The following NPAS3 variants were observed in gnomAD, a reference collection of about 807,000 sequenced individuals.
NPAS3 encodes the protein neuronal PAS domain protein 3, also known as neuronal PAS domain-containing protein 3.
Under a neutral mutation model 73.1 loss-of-function variants are expected in NPAS3, and 14 were observed. That is an observed-to-expected ratio of 0.19 (90% CI 0.13 to 0.30). The LOEUF is 0.30. NPAS3 is among the 10% of genes least tolerant of loss of function. The pLI, the probability that NPAS3 is intolerant of heterozygous loss-of-function variation, is 1.00. For missense variants in NPAS3, 1,096 were observed against 1,250.0 expected, an observed-to-expected ratio of 0.88 and a Z score of 1.86; for synonymous variants, 620 against 541.5, an observed-to-expected ratio of 1.14 and a Z score of -2.01.
intron 6 of NPAS3, among the ~76,000 whole-genome samples, chr14:33,686,455 GATC>G (rs1225503086): frequency 1.3e-5 from 2 of 152,070 alleles, no homozygotes; most frequent in African/African-American, 2.4e-5. Context: ...CTTCCTTGAG[GATC>G]ATATTTTATG....
At chr14:33,444,509 TA>T (rs1372614517) in intron 4 of NPAS3, among the ~76,000 whole-genome samples, 2 of 152,226 alleles carry the variant, frequency 1.3e-5, no homozygotes, top group African/African-American at 4.8e-5. Flanking sequence ...GGCCAGTAAC[TA>T]AGCAAATTTT....
intron 5 of NPAS3, among the ~76,000 whole-genome samples, chr14:33,569,708 T>C (rs2056122817): frequency 1.3e-5 from 2 of 152,220 alleles, no homozygotes. Flanking sequence ...CTGAGTTTTA[T>C]TCTATAGCCT....
At chr14:33,380,448 C>G (rs1306928686) in intron 4 of NPAS3, among the ~76,000 whole-genome samples, 1 of 152,084 alleles carries the variant, frequency 6.6e-6, no homozygotes, top group African/African-American at 2.4e-5. Context: ...GGGTCAGATG[C>G]CCTAGTCACC....
At chr14:33,456,275 T>C (rs1190910262) in intron 4 of NPAS3, among the ~76,000 whole-genome samples, 1 of 152,194 alleles carries the variant, frequency 6.6e-6, no homozygotes, top group Non-Finnish European at 1.5e-5. Context: ...CTTTGAAATA[T>C]CATAGGTGAC....
chr14:33,485,803 A>T (rs1023890632), intron 4 of NPAS3, among the ~76,000 whole-genome samples: 3 of 152,082 alleles, frequency 2.0e-5, no homozygotes, highest in African/African-American at 7.3e-5. Context: ...CCCACGTTAG[A>T]ACTTACCCAC....
intron 4 of NPAS3, among the ~76,000 whole-genome samples, chr14:33,448,534 T>C (rs1165373751): frequency 6.6e-6 from 1 of 152,226 alleles, no homozygotes; most frequent in East Asian, 1.9e-4. Flanking sequence ...TTCCATGAAC[T>C]GTGCTTGATA....
At chr14:33,718,420 A>G (rs1229734600) in intron 6 of NPAS3, among the ~76,000 whole-genome samples, 2 of 152,106 alleles carry the variant, frequency 1.3e-5, no homozygotes, top group Non-Finnish European at 2.9e-5. Context: ...TTTTCTAGTA[A>G]AACCAGTGAC....
intron 9 of NPAS3, among the ~76,000 whole-genome samples, chr14:33,785,788 C>A (rs951811850): frequency 2.0e-5 from 3 of 152,140 alleles, no homozygotes; most frequent in Non-Finnish European, 4.4e-5. Context: ...GGCATATCGA[C>A]TAGAATGCAC....
At chr14:33,307,243 A>G (rs1489938276) in intron 3 of NPAS3, among the ~76,000 whole-genome samples, 2 of 152,214 alleles carry the variant, frequency 1.3e-5, no homozygotes, top group East Asian at 1.9e-4. Context: ...ATTTTCTGCA[A>G]TTTGAAAATT....
chr14:33,679,839 G>GA (rs1005295857), intron 6 of NPAS3, among the ~76,000 whole-genome samples: 3 of 151,666 alleles, frequency 2.0e-5, no homozygotes, highest in African/African-American at 4.8e-5. Context: ...TAATGGAGGA[G>GA]AAAAAAAAGA....
chr14:33,043,207 T>C (rs1164166961), intron 1 of NPAS3, among the ~76,000 whole-genome samples: 3 of 152,142 alleles, frequency 2.0e-5, no homozygotes, highest in African/African-American at 7.2e-5. Flanking sequence ...TAAATACATA[T>C]TACATACCAG....
At chr14:33,440,105 C>G (rs1163571290) in intron 4 of NPAS3, among the ~76,000 whole-genome samples, 2 of 138,310 alleles carry the variant, frequency 1.4e-5, no homozygotes, top group African/African-American at 5.5e-5. Context: ...AACAGAGTGA[C>G]AGTCTGTCTC....
At chr14:33,385,430 T>G (rs2046736778) in intron 4 of NPAS3, among the ~76,000 whole-genome samples, 1 of 152,214 alleles carries the variant, frequency 6.6e-6, no homozygotes, top group Non-Finnish European at 1.5e-5. Context: ...CACCCTATGT[T>G]TCTATTCAAT....
At position 33,546,160 on chromosome 14, in the gene NPAS3, G is replaced by A. The variant is rs139624665; in HGVS notation, c.469-13961G>A. 4.1e-3 allele frequency among the ~76,000 whole-genome samples: 623 copies of A among 152,264 alleles called. 5 individuals are homozygous for A. Among genetic ancestry groups the A allele is most frequent in the African/African-American group, 0.014 (593 of 41,544 alleles). Reference sequence around the variant, plus strand: ...CTGGTGCTTTACCTAGGGCTGGAACGATATCCAGATTCCCATTTTTGTGAG... The same window carrying A: ...CTGGTGCTTTACCTAGGGCTGGAACAATATCCAGATTCCCATTTTTGTGAG... On this transcript the variant is annotated intron_variant, in intron 4 of 11. Coordinates refer to ENST00000356141, the Ensembl canonical transcript of NPAS3.
intron 5 of NPAS3, among the ~76,000 whole-genome samples, chr14:33,614,179 A>T (rs1035902727): frequency 7.9e-5 from 12 of 152,210 alleles, no homozygotes; most frequent in African/African-American, 2.7e-4. Flanking sequence ...GAGTTTCTTC[A>T]ACCAGTGGAA....
intron 4 of NPAS3, among the ~76,000 whole-genome samples, chr14:33,504,340 G>T (rs932129189): frequency 6.6e-6 from 1 of 151,880 alleles, no homozygotes; most frequent in Non-Finnish European, 1.5e-5. Context: ...GTGCTTTGAG[G>T]ACTTCACAAA....
intron 5 of NPAS3, among the ~76,000 whole-genome samples, chr14:33,648,430 T>G (rs149341102): frequency 6.6e-6 from 1 of 152,356 alleles, no homozygotes; most frequent in East Asian, 1.9e-4. Flanking sequence ...ACCTATTTAA[T>G]GTTTTAAAAC....
At chr14:33,748,651 G>A (rs534314992) in intron 7 of NPAS3, among the ~76,000 whole-genome samples, 1 of 152,294 alleles carries the variant, frequency 6.6e-6, no homozygotes, top group East Asian at 1.9e-4. Flanking sequence ...CTTCTTACTT[G>A]CTCTGCAATG....
chr14:33,158,169 C>T (rs1403106454), intron 2 of NPAS3, among the ~76,000 whole-genome samples: 1 of 152,168 alleles, frequency 6.6e-6, no homozygotes, highest in African/African-American at 2.4e-5. Flanking sequence ...AAAGCACCAG[C>T]GGATTGTACC....
Sources: gnomAD v4.1 joint callset for allele counts (sites outside exome capture counted in the v4.1 genomes callset) on GRCh38, gnomAD v4.1.1 for gene constraint, MANE v1.5 for transcripts, NCBI Gene and HGNC (gene_info 2026-07-23, HGNC 2026-07-21) for gene names.